ATPSCKMT: variants seen among roughly 807,000 people sequenced by gnomAD.
The protein encoded by ATPSCKMT is ATP synthase subunit C lysine N-methyltransferase.
In ATPSCKMT, 24 loss-of-function variants were observed where a neutral mutation model predicts 24.3. The observed-to-expected ratio is 0.99, with a 90% CI of 0.71 to 1.39. ATPSCKMT has a LOEUF of 1.39. Ranked by LOEUF, ATPSCKMT falls within the 40% of genes most tolerant of loss-of-function variation. ATPSCKMT has a pLI of 0.00. For synonymous variants in ATPSCKMT, 95 were observed against 110.5 expected, an observed-to-expected ratio of 0.86 and a Z score of 0.88; for missense variants, 311 against 298.4, an observed-to-expected ratio of 1.04 and a Z score of -0.31.
chr5:10,245,624 G>GTATC (rs1744881688), intron 1 of ATPSCKMT, among the ~76,000 whole-genome samples: 1 of 151,856 alleles, frequency 6.6e-6, no homozygotes, highest in Non-Finnish European at 1.5e-5. Flanking sequence ...GTGTGCATCT[G>GTATC]TGGTCCCTGC....
intron 2 of ATPSCKMT, 176 bp from the exon 3 acceptor site, chr5:10,236,791 T>A: frequency 4.1e-6 from 6 of 1,477,190 alleles, no homozygotes; most frequent in Non-Finnish European, 5.4e-6. Flanking sequence ...GACAACGTAA[T>A]AGTCAACCCA....
intron 4 of ATPSCKMT, among the ~76,000 whole-genome samples, chr5:10,231,204 G>T (rs4357004): frequency 1.3e-5 from 2 of 151,890 alleles, no homozygotes; most frequent in African/African-American, 4.8e-5. Context: ...GGGCCAACAC[G>T]CTGGGGCTGC....
intron 1 of ATPSCKMT, among the ~76,000 whole-genome samples, chr5:10,240,935 G>A (rs10042005): frequency 0.29 from 43,259 of 149,950 alleles, 7,160 homozygotes; most frequent in Non-Finnish European, 0.37. Flanking sequence ...GGCAGAGCTT[G>A]CAGTGAGCCG....
intron 4 of ATPSCKMT, among the ~76,000 whole-genome samples, chr5:10,230,621 T>C (rs917218311): frequency 1.2e-4 from 18 of 152,166 alleles, no homozygotes; most frequent in African/African-American, 3.9e-4. Flanking sequence ...AAATTATTCA[T>C]ACAATTATAG....
chr5:10,234,933 C>A (rs1744307902), intron 4 of ATPSCKMT, among the ~76,000 whole-genome samples: 1 of 152,206 alleles, frequency 6.6e-6, no homozygotes, highest in Admixed American at 6.5e-5. Flanking sequence ...ACATTAGACA[C>A]GGGACCTCAG....
At chr5:10,242,534 T>C (rs6860497) in intron 1 of ATPSCKMT, among the ~76,000 whole-genome samples, 2,423 of 152,306 alleles carry the variant, frequency 0.016, 79 homozygotes, top group African/African-American at 0.056. Context: ...GGTCTCAAAG[T>C]CATCCATGAG....
At chr5:10,236,823 G>T in intron 2 of ATPSCKMT, 1 of 1,484,444 alleles carries the variant, frequency 6.7e-7, no homozygotes, top group East Asian at 2.6e-5. Context: ...TTCCTTGATT[G>T]GTTAAAGACT....
chr5:10,239,086 C>T lies in ATPSCKMT; in HGVS notation c.287G>A (p.Gly96Asp). Residue 96 changes from glycine to aspartate, a missense_variant, in exon 2 of 5, where the codon GGT (glycine) becomes GAT (aspartate). Transcript: ENST00000511437. ...ACTCACAATGCGTCCGTCCCCACTA[C>T]CGATGTCCACAAGGGATCCTCTTCG... is the stretch of plus-strand genomic sequence containing the variant. ...RCRRGSLVDI[G>D]SGDGRIVIAA... is the part of the protein sequence containing the mutation. The T allele has an allele frequency of 6.2e-7, 1 of 1,614,088 alleles. No homozygotes were observed. Among genetic ancestry groups the T allele is most frequent in the Non-Finnish European group, 8.5e-7 (1 of 1,179,936 alleles).
At chr5:10,230,935 G>A (rs1224513717) in intron 4 of ATPSCKMT, among the ~76,000 whole-genome samples, 1 of 152,078 alleles carries the variant, frequency 6.6e-6, no homozygotes, top group Non-Finnish European at 1.5e-5. Context: ...GGCTCCATCT[G>A]TGCGGATGCC....
At chr5:10,236,138 C>A in intron 3 of ATPSCKMT, 2 of 195,356 alleles carry the variant, frequency 1.0e-5, no homozygotes, top group Non-Finnish European at 2.1e-5. Flanking sequence ...CTCACACAGG[C>A]ACACAAATGG....
At chr5:10,234,360 T>C (rs1388466603) in intron 4 of ATPSCKMT, among the ~76,000 whole-genome samples, 2 of 152,142 alleles carry the variant, frequency 1.3e-5, no homozygotes, top group East Asian at 3.8e-4. Context: ...AAAGCATTTC[T>C]AAATTATATT....
rs374002621 is a variant in ATPSCKMT, at chr5:10,249,840, A to T, written c.16+18T>A. 733 of 1,296,020 alleles carry T rather than the reference A, an allele frequency of 5.7e-4. 1 individual carries two copies. The highest frequency in any genetic ancestry group is 7.2e-4 in the Non-Finnish European group (717 of 989,648). 80.3% of individuals were successfully genotyped at this position (1,296,020 alleles called of 1,614,324 possible). On this transcript the variant is annotated intron_variant, in intron 1 of 4. Transcript: ENST00000511437. ...CTTCTCATGCCCCCAGGAACCCGCC[A>T]AGCCGCTCCAGCCTCACCTCCTCCT...
intron 2 of ATPSCKMT, 22 bp downstream of exon 2, chr5:10,239,045 A>G: frequency 6.2e-7 from 1 of 1,601,526 alleles, no homozygotes; most frequent in Non-Finnish European, 8.5e-7. Flanking sequence ...TTCAAACCTT[A>G]AAATGTTTTA....
chr5:10,229,977 G>T (rs1744048639), intron 4 of ATPSCKMT, among the ~76,000 whole-genome samples: 1 of 152,168 alleles, frequency 6.6e-6, no homozygotes. Context: ...TCCTGATTCA[G>T]CCTTTTTCTC....
intron 4 of ATPSCKMT, among the ~76,000 whole-genome samples, chr5:10,232,454 G>A (rs1744190219): frequency 6.6e-6 from 1 of 152,248 alleles, no homozygotes; most frequent in Non-Finnish European, 1.5e-5. Context: ...ACAGCTAGCA[G>A]TGTCGAAGCC....
intron 4 of ATPSCKMT, among the ~76,000 whole-genome samples, 153 bp from the exon 5 acceptor site, chr5:10,227,800 T>A (rs1456021104): frequency 6.6e-6 from 1 of 152,052 alleles, no homozygotes; most frequent in Admixed American, 6.6e-5. Flanking sequence ...AAACAAACAA[T>A]CCATTGAAAT....
chr5:10,239,199 A>C lies in ATPSCKMT; in HGVS notation c.174T>G (p.Phe58Leu), dbSNP rs554992873. Residue 58 changes from phenylalanine to leucine, a missense_variant, in exon 2 of 5, where the codon TTT becomes TTG. Physicochemically the swap from Phe to Leu is conservative, Grantham distance 22 (BLOSUM62 0). Transcript: ENST00000511437. ...LVAVYAVATP[F>L]VTPALRKVCL... ...AGACTTTTCGAAGGGCTGGCGTTACAAACGGCGTGGCTACAGCGTACACAG... is the reference window on the plus strand; with the variant it reads ...AGACTTTTCGAAGGGCTGGCGTTACCAACGGCGTGGCTACAGCGTACACAG... The C allele has an allele frequency of 6.2e-6, 10 of 1,614,238 alleles. No individual in the cohort carries two copies. The African/African-American group carries it at 6.7e-5, about 11-fold the overall frequency.
chr5:10,233,227 G>A (rs939434616), intron 4 of ATPSCKMT, among the ~76,000 whole-genome samples: 1 of 152,096 alleles, frequency 6.6e-6, no homozygotes, highest in Non-Finnish European at 1.5e-5. Context: ...AGCCACGGCT[G>A]GGATGGTCGA....
intron 4 of ATPSCKMT, among the ~76,000 whole-genome samples, chr5:10,234,746 T>A (rs6885713): frequency 0.61 from 93,193 of 152,094 alleles, 29,822 homozygotes; most frequent in East Asian, 0.87. Context: ...AAGTTCAATA[T>A]GCCATCCTCT....
Sources: gnomAD v4.1 joint callset for allele counts (sites outside exome capture counted in the v4.1 genomes callset) on GRCh38, gnomAD v4.1.1 for gene constraint, MANE v1.5 for transcripts, NCBI Gene and HGNC (gene_info 2026-07-23, HGNC 2026-07-21) for gene names.